SEMA5A: variants seen among roughly 807,000 people sequenced by gnomAD.
SEMA5A encodes semaphorin 5A.
Under a neutral mutation model 135.5 loss-of-function variants are expected in SEMA5A, and 55 were observed. That is an observed-to-expected ratio of 0.41 (90% CI 0.33 to 0.51). The LOEUF (loss-of-function observed/expected upper bound fraction) is 0.51. Ranked by LOEUF, SEMA5A falls within the 20% of genes least tolerant of loss-of-function variation. The pLI is 0.37. For synonymous variants in SEMA5A, 580 were observed against 546.5 expected, an observed-to-expected ratio of 1.06 and a Z score of -0.85; for missense variants, 1,290 against 1,419.9, an observed-to-expected ratio of 0.91 and a Z score of 1.47.
At chr5:9,474,035 G>A (rs576237755) in intron 1 of SEMA5A, among the ~76,000 whole-genome samples, 3 of 152,188 alleles carry the variant, frequency 2.0e-5, no homozygotes, top group East Asian at 1.9e-4. Context: ...CATCATGGAC[G>A]TCTACCCACA....
At chr5:9,147,469 A>G (rs562671919) in intron 12 of SEMA5A, among the ~76,000 whole-genome samples, 1 of 151,944 alleles carries the variant, frequency 6.6e-6, no homozygotes, top group African/African-American at 2.4e-5. Context: ...ACAGGGTTTC[A>G]CCACGTTGGC....
chr5:9,497,301 C>T (rs1364501032), intron 1 of SEMA5A, among the ~76,000 whole-genome samples: 3 of 152,148 alleles, frequency 2.0e-5, no homozygotes, highest in Admixed American at 6.5e-5. Context: ...AAAATGTATG[C>T]ACAAGTATCT....
rs532139460 is a variant in SEMA5A, at chr5:9,091,220, T to G, written c.2073+16920A>C. The stretch of plus-strand genomic sequence containing the variant: ...AGTCTACTTAGAAAAACTTACAATG[T>G]CCATTGATTACTTTTCTTTCCCCAC... On this transcript the variant is annotated intron_variant, in intron 16 of 22. Coordinates refer to ENST00000382496, the MANE Select transcript of SEMA5A (RefSeq NM_003966.3). Among the ~76,000 whole-genome samples the G allele has an allele frequency of 2.6e-5, 4 of 152,326 alleles. No homozygotes were observed. The South Asian group carries it at 6.2e-4, about 24-fold the overall frequency.
chr5:9,296,076 C>A (rs1751320353), intron 5 of SEMA5A, among the ~76,000 whole-genome samples: 1 of 152,040 alleles, frequency 6.6e-6, no homozygotes, highest in South Asian at 2.1e-4. Flanking sequence ...TGCATGATAA[C>A]TAAGGACTTA....
intron 2 of SEMA5A, among the ~76,000 whole-genome samples, chr5:9,402,589 G>A (rs531535802): frequency 6.6e-6 from 1 of 152,340 alleles, no homozygotes; most frequent in South Asian, 2.1e-4. Flanking sequence ...GGTTTTGAAT[G>A]TTAGTGAGGT....
intron 1 of SEMA5A, among the ~76,000 whole-genome samples, chr5:9,486,626 G>A (rs779320575): frequency 3.9e-5 from 6 of 151,980 alleles, no homozygotes; most frequent in South Asian, 2.1e-4. Context: ...AAAGATCATC[G>A]ATGGGAGGAA....
At chr5:9,304,043 T>C (rs867389539) in intron 5 of SEMA5A, among the ~76,000 whole-genome samples, 3 of 152,124 alleles carry the variant, frequency 2.0e-5, no homozygotes, top group Middle Eastern at 3.2e-3. Context: ...TACACACAAG[T>C]AGACTGTGGT....
intron 1 of SEMA5A, among the ~76,000 whole-genome samples, chr5:9,537,041 C>A (rs549866979): frequency 6.6e-6 from 1 of 152,046 alleles, no homozygotes; most frequent in South Asian, 2.1e-4. Flanking sequence ...ATATTAGAGG[C>A]TAACATTTGG....
chr5:9,045,569 G>A (rs544136996), intron 21 of SEMA5A, among the ~76,000 whole-genome samples: 2 of 152,090 alleles, frequency 1.3e-5, no homozygotes, highest in African/African-American at 2.4e-5. Flanking sequence ...GTGCCCTTCC[G>A]GAGATACTCA....
At chr5:9,534,831 T>C (rs776799997) in intron 1 of SEMA5A, among the ~76,000 whole-genome samples, 11 of 152,174 alleles carry the variant, frequency 7.2e-5, no homozygotes, top group Non-Finnish European at 1.2e-4. Context: ...TTCAAAACAT[T>C]GATTTCCTTC....
chr5:9,106,748 A>C (rs1739937224), intron 16 of SEMA5A, among the ~76,000 whole-genome samples: 2 of 152,256 alleles, frequency 1.3e-5, no homozygotes, highest in African/African-American at 4.8e-5. Flanking sequence ...TAAAATAAAT[A>C]GTTTTAAATG....
chr5:9,055,018 C>G (rs184711316), intron 18 of SEMA5A, among the ~76,000 whole-genome samples: 1 of 152,174 alleles, frequency 6.6e-6, no homozygotes, highest in Non-Finnish European at 1.5e-5. Flanking sequence ...GCACATGTCT[C>G]TGCCTGCTCA....
At chr5:9,196,485 C>T (rs1745390179) in intron 10 of SEMA5A, among the ~76,000 whole-genome samples, 1 of 152,220 alleles carries the variant, frequency 6.6e-6, no homozygotes, top group Admixed American at 6.5e-5. Context: ...AAAATAAATG[C>T]CTCTTTTTTA....
intron 12 of SEMA5A, among the ~76,000 whole-genome samples, chr5:9,141,724 A>G (rs1315720304): frequency 6.6e-6 from 1 of 152,204 alleles, no homozygotes; most frequent in Admixed American, 6.5e-5. Flanking sequence ...AAAATTTGCA[A>G]TTACGTTTTT....
At chr5:9,263,949 T>C (rs940823913) in intron 5 of SEMA5A, among the ~76,000 whole-genome samples, 3 of 152,182 alleles carry the variant, frequency 2.0e-5, no homozygotes, top group Admixed American at 2.0e-4. Flanking sequence ...CTGCAGAAAT[T>C]GATAAGAAGT....
chr5:9,322,252 C>G (rs142899412), intron 4 of SEMA5A, among the ~76,000 whole-genome samples: 119 of 152,278 alleles, frequency 7.8e-4, no homozygotes, highest in African/African-American at 2.8e-3. Flanking sequence ...AGAAACATTG[C>G]TAGTGGAGTT....
chr5:9,258,444 T>C (rs548828919), intron 5 of SEMA5A, among the ~76,000 whole-genome samples: 22 of 152,324 alleles, frequency 1.4e-4, no homozygotes, highest in African/African-American at 5.3e-4. Context: ...CCTATCTCAT[T>C]CTGTCTTCTC....
chr5:9,542,172 C>G (rs1240534255), intron 1 of SEMA5A, among the ~76,000 whole-genome samples: 1 of 152,202 alleles, frequency 6.6e-6, no homozygotes, highest in Non-Finnish European at 1.5e-5. Flanking sequence ...GTACCCATAT[C>G]TGTTTCTCCA....
At chr5:9,525,805 C>T (rs115533349) in intron 1 of SEMA5A, among the ~76,000 whole-genome samples, 2,972 of 152,148 alleles carry the variant, frequency 0.02, 86 homozygotes, top group African/African-American at 0.068. Flanking sequence ...TTTTTCTTTA[C>T]GCATGAATCA....
Sources: gnomAD v4.1 joint callset for allele counts (sites outside exome capture counted in the v4.1 genomes callset) on GRCh38, gnomAD v4.1.1 for gene constraint, MANE v1.5 for transcripts, NCBI Gene and HGNC (gene_info 2026-07-23, HGNC 2026-07-21) for gene names.